CNTNAP2: variants seen among roughly 807,000 people sequenced by gnomAD.
The protein encoded by CNTNAP2 is contactin associated protein 2.
CNTNAP2 carries 98 observed loss-of-function variants against 155.2 expected under a neutral mutation model. That is an observed-to-expected ratio of 0.63 (90% confidence interval 0.54 to 0.75). The LOEUF (loss-of-function observed/expected upper bound fraction) is 0.75. Among genes scored for constraint, CNTNAP2 ranks in the 30% least tolerant of loss-of-function variants. CNTNAP2 has a pLI of 0.00. For missense variants in CNTNAP2, 1,727 were observed against 1,688.1 expected, an observed-to-expected ratio of 1.02 and a Z score of -0.40; for synonymous variants, 651 against 631.2, an observed-to-expected ratio of 1.03 and a Z score of -0.47.
At position 148,182,046 on chromosome 7, in the gene CNTNAP2, C is replaced by T. The variant is rs116232492; in HGVS notation, c.3010+9568C>T. ...TGCTGGGATTACAGGCGTGAGCCAC[C>T]GCGCCTGGCCAAGTGTGTGCCCTTT... On this transcript the variant is annotated intron_variant, in intron 18 of 23. Coordinates refer to ENST00000361727, the MANE Select transcript of CNTNAP2 (RefSeq NM_014141.6). Among the ~76,000 whole-genome samples, 1,452 of 150,778 alleles carry T rather than the reference C, an allele frequency of 9.6e-3. 30 individuals are homozygous for T. The highest frequency in any genetic ancestry group is 0.034 in the African/African-American group (1,391 of 41,104).
chr7:147,876,011 T>A lies in CNTNAP2; in HGVS notation c.2099-27554T>A, dbSNP rs537699290. On this transcript the variant is annotated intron_variant, in intron 13 of 23. Coordinates refer to ENST00000361727, the MANE Select transcript of CNTNAP2 (RefSeq NM_014141.6). ...TAAAAATCATACTGAATCACTCTGA[T>A]CCTATCACTGCAGAACTGAAAATTA... Among the ~76,000 whole-genome samples the A allele has an allele frequency of 3.9e-5, 6 of 152,296 alleles. No homozygotes were observed. The South Asian group carries it at 1.2e-3, about 32-fold the overall frequency.
chr7:146,180,510 A>G (rs567219666), intron 1 of CNTNAP2, among the ~76,000 whole-genome samples: 2 of 152,238 alleles, frequency 1.3e-5, no homozygotes, highest in Admixed American at 1.3e-4. Flanking sequence ...AATTCCCAGT[A>G]TTAATGTGTG....
chr7:147,967,522 C>T (rs6947287), intron 14 of CNTNAP2, among the ~76,000 whole-genome samples: 19,624 of 150,506 alleles, frequency 0.13, 1,993 homozygotes, highest in African/African-American at 0.29. Context: ...GGGGAAATTG[C>T]GTAGAACTAC....
intron 1 of CNTNAP2, among the ~76,000 whole-genome samples, chr7:146,427,671 A>G (rs1796112265): frequency 6.6e-6 from 1 of 152,180 alleles, no homozygotes; most frequent in African/African-American, 2.4e-5. Context: ...GCCTATAGTT[A>G]CATACGTTAT....
At chr7:147,829,225 G>A (rs980839577) in intron 13 of CNTNAP2, among the ~76,000 whole-genome samples, 1 of 152,148 alleles carries the variant, frequency 6.6e-6, no homozygotes, top group Non-Finnish European at 1.5e-5. Flanking sequence ...GAACAGATGG[G>A]GTTGAGCAGC....
intron 15 of CNTNAP2, among the ~76,000 whole-genome samples, chr7:148,092,553 G>C (rs73472210): frequency 0.01 from 1,580 of 152,266 alleles, 30 homozygotes; most frequent in African/African-American, 0.037. Flanking sequence ...CTGCCCTGCT[G>C]GGGGTTAGAG....
intron 3 of CNTNAP2, among the ~76,000 whole-genome samples, chr7:146,965,258 A>G (rs940844962): frequency 2.0e-5 from 3 of 151,972 alleles, no homozygotes; most frequent in Non-Finnish European, 4.4e-5. Context: ...GCATAATGGA[A>G]CCCTGGGAGA....
intron 1 of CNTNAP2, among the ~76,000 whole-genome samples, chr7:146,457,123 AATC>A (rs1362290109): frequency 6.6e-6 from 1 of 152,150 alleles, no homozygotes; most frequent in Non-Finnish European, 1.5e-5. Context: ...AGAGGATCAG[AATC>A]ATCATTTGTC....
chr7:146,227,093 G>A (rs1167392001), intron 1 of CNTNAP2, among the ~76,000 whole-genome samples: 1 of 152,114 alleles, frequency 6.6e-6, no homozygotes, highest in Admixed American at 6.6e-5. Flanking sequence ...AGACAGATGG[G>A]TTAAGAGATA....
At chr7:146,395,779 T>TAGATGATAGAGAGAGA (rs11462122) in intron 1 of CNTNAP2, among the ~76,000 whole-genome samples, 2 of 122,118 alleles carry the variant, frequency 1.6e-5, no homozygotes, top group African/African-American at 3.6e-5. Flanking sequence ...GATAGACAGA[T>TAGATGATAGAGAGAGA]GATAGATAGA....
chr7:147,980,933 C>CAAAAAAAAAAAA (rs34927518), intron 15 of CNTNAP2, among the ~76,000 whole-genome samples: 12 of 93,984 alleles, frequency 1.3e-4, no homozygotes, highest in South Asian at 3.9e-4. Context: ...TCCATCTTAA[C>CAAAAAAAAAAAA]AAAAAAAAAA....
intron 9 of CNTNAP2, 145 bp downstream of exon 9, chr7:147,300,435 CAA>C: frequency 1.1e-6 from 1 of 938,690 alleles, no homozygotes; most frequent in Non-Finnish European, 1.6e-6. Flanking sequence ...CTGAGCAAAA[CAA>C]AAAAAGAAAA....
intron 1 of CNTNAP2, among the ~76,000 whole-genome samples, chr7:146,728,362 T>A (rs1171423783): frequency 1.3e-5 from 2 of 152,142 alleles, no homozygotes; most frequent in African/African-American, 4.8e-5. Context: ...AGTTTCACCC[T>A]TATCAGATAT....
chr7:147,315,388 C>T (rs2116806484), intron 9 of CNTNAP2, among the ~76,000 whole-genome samples: 1 of 150,564 alleles, frequency 6.6e-6, no homozygotes, highest in South Asian at 2.1e-4. Context: ...AGAAATCACT[C>T]TGAATTCTTC....
chr7:147,159,284 T>C (rs922205805), intron 8 of CNTNAP2, among the ~76,000 whole-genome samples: 7 of 152,166 alleles, frequency 4.6e-5, no homozygotes, highest in African/African-American at 1.7e-4. Flanking sequence ...AAGAGAATCA[T>C]ATGATCGAAT....
chr7:148,119,819 T>C (rs1563205600), intron 16 of CNTNAP2, among the ~76,000 whole-genome samples: 1 of 152,130 alleles, frequency 6.6e-6, no homozygotes, highest in Non-Finnish European at 1.5e-5. Flanking sequence ...TAGTAGTTAT[T>C]GTAATTATCA....
intron 22 of CNTNAP2, among the ~76,000 whole-genome samples, chr7:148,404,895 T>A (rs1053085777): frequency 6.6e-6 from 1 of 152,242 alleles, no homozygotes; most frequent in African/African-American, 2.4e-5. Context: ...ATTCAGATGC[T>A]GCTTCTCCTC....
At chr7:146,712,373 ATCTTATGTATAC>A (rs1197825292) in intron 1 of CNTNAP2, among the ~76,000 whole-genome samples, 52 of 131,764 alleles carry the variant, frequency 3.9e-4, no homozygotes, top group African/African-American at 9.4e-4. Context: ...TAGTATACAT[ATCTTATGTATAC>A]TATATATATA....
At chr7:147,868,600 G>A (rs963659643) in intron 13 of CNTNAP2, among the ~76,000 whole-genome samples, 12 of 152,234 alleles carry the variant, frequency 7.9e-5, no homozygotes, top group African/African-American at 2.9e-4. Flanking sequence ...GAGGCAGTAG[G>A]CCTTGCTGAG....
Sources: allele counts gnomAD v4.1 joint callset (sites outside exome capture counted in the v4.1 genomes callset), GRCh38; gene constraint gnomAD v4.1.1; transcripts MANE v1.5; gene names NCBI Gene and HGNC (gene_info 2026-07-23, HGNC 2026-07-21).